PTRH2: variants seen among roughly 807,000 people sequenced by gnomAD.
The protein encoded by PTRH2 is peptidyl-tRNA hydrolase 2.
A neutral mutation model predicts 12.3 loss-of-function variants in PTRH2; 10 were observed. The observed-to-expected ratio is 0.81, with a 90% confidence interval of 0.50 to 1.38. The LOEUF is 1.38. Among genes scored for constraint, PTRH2 ranks in the 40% most tolerant of loss-of-function variants. The pLI, the probability that PTRH2 is intolerant of heterozygous loss-of-function variation, is 0.00. For synonymous variants in PTRH2, 73 were observed against 77.4 expected (o/e 0.94, Z 0.30); for missense variants, 176 against 214.1 (o/e 0.82, Z 1.11).
At chr17:59,699,600 T>C (rs746224166) in intron 1 of PTRH2, 3 of 152,738 alleles carry the variant, frequency 2.0e-5, no homozygotes, top group Admixed American at 6.5e-5. Flanking sequence ...CTTCTGTATC[T>C]GGTCTTCCAT....
chr17:59,705,164 A>G lies in PTRH2; in HGVS notation c.-1+2207T>C, dbSNP rs147560267. Among the ~76,000 whole-genome samples, 18 of 152,356 alleles carry G rather than the reference A, an allele frequency of 1.2e-4. No individual in the cohort carries two copies. In the East Asian group the frequency reaches 3.5e-3, roughly 29 times the overall value. Reference sequence around the variant, plus strand: ...CAACCAGACTCCAAACTGAACAAATATGCAATGTCAGCAATTAGGATTCTC... The same window carrying G: ...CAACCAGACTCCAAACTGAACAAATGTGCAATGTCAGCAATTAGGATTCTC... On this transcript the variant is annotated intron_variant, in intron 1 of 1. Coordinates refer to ENST00000393038, the MANE Select transcript of PTRH2 (RefSeq NM_016077.5).
In PTRH2 at chr17:59,697,579, T is replaced by C. The variant is rs375293191; in HGVS notation, c.400A>G (p.Lys134Glu). The change falls in exon 2 of 2, where the codon AAA becomes GAA. Residue 134 changes from lysine to glutamate, a missense_variant. Coordinates refer to ENST00000393038, the MANE Select transcript of PTRH2 (RefSeq NM_016077.5). ...AAACTTACAGTCAGTCCCAGCATTT[T>C]TGCATGGGCCAATAATGCAATCAGG... ...ETLIALLAHA[K>E]MLGLTVSLIQ... is the part of the protein sequence containing the mutation. 28 of 1,614,094 alleles carry C rather than the reference T, an allele frequency of 1.7e-5. No individual in the cohort carries two copies. Among genetic ancestry groups the C allele is most frequent in the Non-Finnish European group, 2.3e-5 (27 of 1,180,034 alleles).
intron 1 of PTRH2, chr17:59,698,529 GA>G (rs1305190651): frequency 8.2e-6 from 2 of 242,682 alleles, no homozygotes; most frequent in Non-Finnish European, 1.6e-5. Flanking sequence ...GAGTGCAGCT[GA>G]AAAACTTAAT....
chr17:59,698,026 C>A lies in PTRH2; in HGVS notation c.1-48G>T, dbSNP rs768378857. 7.7e-6 allele frequency: 12 copies of A among 1,561,770 alleles called. No individual in the cohort carries two copies. In the South Asian group the frequency reaches 1.3e-4, roughly 16 times the overall value. On this transcript the variant is annotated intron_variant, in intron 1 of 1. Transcript: ENST00000393038. Reference sequence around the variant, plus strand: ...ATCACTATCCGGCAGTAACAACTTACAGAGGTATAGGCTTATCAGAGAAAC... The same window carrying A: ...ATCACTATCCGGCAGTAACAACTTAAAGAGGTATAGGCTTATCAGAGAAAC...
intron 1 of PTRH2, among the ~76,000 whole-genome samples, chr17:59,703,832 G>A (rs912879558): frequency 7.2e-5 from 9 of 124,998 alleles, no homozygotes; most frequent in East Asian, 2.6e-4. Flanking sequence ...TTTTGGAGAC[G>A]GAGTCTCACT....
At chr17:59,707,258 G>A (rs2033701209) in intron 1 of PTRH2, 113 bp downstream of exon 1, 1 of 152,748 alleles carries the variant, frequency 6.5e-6, no homozygotes. Context: ...GTTTATAAAG[G>A]AGAAAATGAA....
chr17:59,704,960 G>T (rs1331051866), intron 1 of PTRH2, among the ~76,000 whole-genome samples: 2 of 151,960 alleles, frequency 1.3e-5, no homozygotes, highest in African/African-American at 4.8e-5. Flanking sequence ...GCTAATTTTT[G>T]TATTTTTAGT....
At chr17:59,702,192 A>G (rs2033566085) in intron 1 of PTRH2, among the ~76,000 whole-genome samples, 1 of 152,190 alleles carries the variant, frequency 6.6e-6, no homozygotes, top group Non-Finnish European at 1.5e-5. Flanking sequence ...AGCTGAGGAT[A>G]TAGTGATGAA....
chr17:59,697,493 C>T lies in PTRH2; in HGVS notation c.486G>A (p.Gly162=), dbSNP rs372287852. 2 of 1,614,004 alleles carry T rather than the reference C, an allele frequency of 1.2e-6. No homozygotes were observed. The highest frequency in any genetic ancestry group is 1.7e-6 in the Non-Finnish European group (2 of 1,180,004). The change falls in exon 2 of 2, where the codon GGG becomes GGA. Residue 162 remains glycine, a synonymous_variant. Coordinates refer to ENST00000393038, the MANE Select transcript of PTRH2 (RefSeq NM_016077.5). ...TGTCAATTAGGTCTGCTGGTCCTGG[C>T]CCAATCCCTAGGACAGTTTGAGAGC... ...APGSQTVLGI[G]PGPADLIDKV...
chr17:59,705,936 C>A (rs996698030), intron 1 of PTRH2, among the ~76,000 whole-genome samples: 4 of 149,604 alleles, frequency 2.7e-5, no homozygotes, highest in Admixed American at 2.7e-4. Flanking sequence ...CCAATAAGAT[C>A]AAAAACAGGA....
intron 1 of PTRH2, chr17:59,699,088 G>A (rs1052733627): frequency 2.2e-5 from 12 of 546,892 alleles, no homozygotes; most frequent in East Asian, 3.1e-5. Flanking sequence ...AGTTTTGACC[G>A]TACAGCTTGT....
chr17:59,702,320 A>T (rs1004913251), intron 1 of PTRH2, among the ~76,000 whole-genome samples: 1 of 152,196 alleles, frequency 6.6e-6, no homozygotes, highest in Non-Finnish European at 1.5e-5. Context: ...AGGCAGTAAC[A>T]GATCATCAGA....
At chr17:59,699,038 T>C (rs1185838341) in intron 1 of PTRH2, 5 of 606,674 alleles carry the variant, frequency 8.2e-6, no homozygotes, top group African/African-American at 1.8e-5. Context: ...CACTAGTTGA[T>C]GGTTTAGCAA....
At chr17:59,704,899 C>T (rs1281317603) in intron 1 of PTRH2, among the ~76,000 whole-genome samples, 1 of 152,126 alleles carries the variant, frequency 6.6e-6, no homozygotes, top group Non-Finnish European at 1.5e-5. Context: ...GCAATTCTCC[C>T]GCCTCAGCCT....
intron 1 of PTRH2, chr17:59,700,677 T>C (rs575775851): frequency 1.3e-5 from 2 of 152,264 alleles, no homozygotes; most frequent in South Asian, 4.2e-4. Context: ...AAAGCAATTT[T>C]TTTTTTCTCC....
chr17:59,705,009 A>G (rs1399658278), intron 1 of PTRH2, among the ~76,000 whole-genome samples: 1 of 152,068 alleles, frequency 6.6e-6, no homozygotes, highest in Non-Finnish European at 1.5e-5. Flanking sequence ...GCTGGTCTCG[A>G]ACTCCTGACC....
chr17:59,705,959 CAA>C (rs2143655905), intron 1 of PTRH2, among the ~76,000 whole-genome samples: 1 of 151,032 alleles, frequency 6.6e-6, no homozygotes, highest in African/African-American at 2.4e-5. Context: ...GTGAAAGTTC[CAA>C]AAGTTACCAA....
intron 1 of PTRH2, among the ~76,000 whole-genome samples, chr17:59,703,184 T>TA (rs149532844): frequency 0.034 from 5,112 of 151,084 alleles, 120 homozygotes; most frequent in Non-Finnish European, 0.05. Context: ...ACTGCTAATT[T>TA]AAAAAAAAAC....
At chr17:59,698,292 T>TAGGC (rs1473121876) in intron 1 of PTRH2, 3 of 348,882 alleles carry the variant, frequency 8.6e-6, no homozygotes, top group African/African-American at 6.2e-5. Context: ...TTTACCAAGA[T>TAGGC]GCCTAAGATT....
Sources: gnomAD v4.1 joint callset for allele counts (sites outside exome capture counted in the v4.1 genomes callset) on GRCh38, gnomAD v4.1.1 for gene constraint, MANE v1.5 for transcripts, NCBI Gene and HGNC (gene_info 2026-07-23, HGNC 2026-07-21) for gene names.